CAPS2: variants seen among roughly 807,000 people sequenced by gnomAD.
The protein encoded by CAPS2 is calcyphosine 2.
Under a neutral mutation model 86.5 loss-of-function variants are expected in CAPS2, and 98 were observed. The observed-to-expected ratio is 1.13, with a 90% CI of 0.96 to 1.34. CAPS2 has a LOEUF of 1.34. CAPS2 is among the 40% of genes most tolerant of loss of function. CAPS2 has a pLI of 0.00. For missense variants in CAPS2, 729 were observed against 686.8 expected, an observed-to-expected ratio of 1.06 and a Z score of -0.69; for synonymous variants, 210 against 225.1, an observed-to-expected ratio of 0.93 and a Z score of 0.60.
intron 1 of CAPS2, chr12:75,362,951 C>T (rs972001986): frequency 6.0e-6 from 3 of 498,716 alleles, no homozygotes; most frequent in Non-Finnish European, 1.1e-5. Context: ...CTTATTTTAA[C>T]AAAAGAAATG....
At chr12:75,291,787 G>A in exon 13 of CAPS2, 1 of 1,561,968 alleles carries the variant, frequency 6.4e-7, no homozygotes, top group Non-Finnish European at 8.7e-7. Context: ...TTTCTTGAAT[G>A]ATTATATCAT....
intron 8 of CAPS2, among the ~76,000 whole-genome samples, chr12:75,301,722 A>G (rs1003443341): frequency 4.6e-5 from 7 of 152,218 alleles, no homozygotes; most frequent in African/African-American, 1.7e-4. Flanking sequence ...TTGCTTTTCA[A>G]TAGTAAACAG....
chr12:75,359,933 G>A (rs1177293066), intron 1 of CAPS2: 2 of 152,084 alleles, frequency 1.3e-5, no homozygotes, highest in Non-Finnish European at 2.9e-5. Context: ...CATAGCTAGG[G>A]AGGCCTCAGA....
chr12:75,348,511 T>A (rs1565972390), intron 1 of CAPS2, among the ~76,000 whole-genome samples: 1 of 152,178 alleles, frequency 6.6e-6, no homozygotes, highest in Non-Finnish European at 1.5e-5. Flanking sequence ...TTCAGAGAAA[T>A]TATAAAACTA....
chr12:75,305,894 G>A (rs1221147673), intron 7 of CAPS2: 6 of 828,382 alleles, frequency 7.2e-6, no homozygotes, highest in Non-Finnish European at 1.2e-5. Context: ...CTGCACCTGA[G>A]GCTGTCCAAC....
intron 7 of CAPS2, chr12:75,306,053 C>T: frequency 1.4e-6 from 2 of 1,467,684 alleles, no homozygotes; most frequent in Non-Finnish European, 1.9e-6. Flanking sequence ...CCAGAGACAG[C>T]GCCGTCTAGA....
At chr12:75,390,565 C>T (rs1023837719) in intron 1 of CAPS2, among the ~76,000 whole-genome samples, 1 of 152,180 alleles carries the variant, frequency 6.6e-6, no homozygotes, top group South Asian at 2.1e-4. Flanking sequence ...TTTCTGTATT[C>T]CATTCTGTCC....
rs750790834 is a variant in CAPS2 at position 75,278,924 on chromosome 12, A to G, written c.1754T>C (p.Phe585Ser). ...CCATGGAGTACGTAAGATGTTAACA[A>G]AGTCTTCATCATCTACTATTCCTAT... Residue 585 changes from phenylalanine (F) to serine (S), a missense_variant, in exon 17 of 17, where the codon TTT becomes TCT. Coordinates refer to ENST00000393284, the Ensembl canonical transcript of CAPS2. The G allele has an allele frequency of 8.1e-6, 13 of 1,598,332 alleles. No homozygotes were observed. The Admixed American group carries it at 1.2e-4, about 15-fold the overall frequency.
intron 1 of CAPS2, among the ~76,000 whole-genome samples, chr12:75,353,913 C>T (rs1365241137): frequency 6.6e-6 from 1 of 152,048 alleles, no homozygotes; most frequent in Non-Finnish European, 1.5e-5. Flanking sequence ...TCAATAGATG[C>T]CAAAAGGCCT....
intron 1 of CAPS2, among the ~76,000 whole-genome samples, chr12:75,355,138 T>C (rs555736537): frequency 6.6e-6 from 1 of 152,232 alleles, no homozygotes; most frequent in South Asian, 2.1e-4. Flanking sequence ...ATGGGATCAA[T>C]TAAACTAAAG....
chr12:75,307,695 A>G (rs1312344479), intron 7 of CAPS2, among the ~76,000 whole-genome samples: 1 of 152,198 alleles, frequency 6.6e-6, no homozygotes. Context: ...ACAAGAGAAC[A>G]CAAACAAAAT....
At position 75,343,727 on chromosome 12, in the gene CAPS2, C is replaced by T. The variant is rs140518960; in HGVS notation, c.-394-20505G>A. 2.0e-4 allele frequency: 323 copies of T among 1,611,528 alleles called. 3 individuals are homozygous for T. The highest frequency in any genetic ancestry group is 1.3e-3 in the Admixed American group (78 of 59,858). ...AAAGGTTTAGCAAAGATGGCTAAAG[C>T]ATGGGCAAACCAGTGCAAATTTGAA... On this transcript the variant is annotated intron_variant, in intron 1 of 5. Transcript: ENST00000551829.
intron 8 of CAPS2, among the ~76,000 whole-genome samples, chr12:75,300,985 G>T (rs1201788924): frequency 6.6e-6 from 1 of 152,186 alleles, no homozygotes; most frequent in Admixed American, 6.5e-5. Flanking sequence ...GCTGAATGAA[G>T]TTCGAACTTT....
At chr12:75,340,567 TA>T (rs1341875317) in intron 1 of CAPS2, among the ~76,000 whole-genome samples, 10 of 152,056 alleles carry the variant, frequency 6.6e-5, no homozygotes, top group East Asian at 3.9e-4. Flanking sequence ...AAACTATTTT[TA>T]AAAAGTCAAC....
At chr12:75,366,621 C>A (rs1167874790) in intron 1 of CAPS2, among the ~76,000 whole-genome samples, 1 of 151,684 alleles carries the variant, frequency 6.6e-6, no homozygotes, top group Non-Finnish European at 1.5e-5. Flanking sequence ...TCTTGTCTTT[C>A]CTCTTCTTCA....
rs192189813 is a variant in CAPS2, at chr12:75,386,650, G to A, written c.-395+4188C>T. 1.9e-3 allele frequency among the ~76,000 whole-genome samples: 286 copies of A among 152,198 alleles called. 3 individuals carry two copies. Among genetic ancestry groups the A allele is most frequent in the African/African-American group, 6.4e-3 (267 of 41,512 alleles). On this transcript the variant is annotated intron_variant, in intron 1 of 5. Coordinates refer to the CAPS2 transcript ENST00000551829. Reference sequence around the variant, plus strand: ...ATTTTCCAGCATATGAATTTAGGGGGACATATTCAAACAATAGCAAAAATA... The same window carrying A: ...ATTTTCCAGCATATGAATTTAGGGGAACATATTCAAACAATAGCAAAAATA...
intron 1 of CAPS2, among the ~76,000 whole-genome samples, chr12:75,335,740 A>C (rs552575580): frequency 1.3e-5 from 2 of 152,112 alleles, no homozygotes; most frequent in Non-Finnish European, 2.9e-5. Context: ...TGTATCAGAA[A>C]TGAAACAAGA....
At chr12:75,349,124 C>T (rs1364875849) in intron 1 of CAPS2, among the ~76,000 whole-genome samples, 1 of 152,054 alleles carries the variant, frequency 6.6e-6, no homozygotes, top group Non-Finnish European at 1.5e-5. Flanking sequence ...TATTGATTAA[C>T]ACATGCACGT....
At chr12:75,316,849 G>A (rs1326343175) in intron 5 of CAPS2, among the ~76,000 whole-genome samples, 1 of 152,052 alleles carries the variant, frequency 6.6e-6, no homozygotes, top group African/African-American at 2.4e-5. Context: ...ATTAAATTCA[G>A]AAATAAAATA....
Sources: allele counts gnomAD v4.1 joint callset (sites outside exome capture counted in the v4.1 genomes callset), GRCh38; gene constraint gnomAD v4.1.1; transcripts MANE v1.5; gene names NCBI Gene and HGNC (gene_info 2026-07-23, HGNC 2026-07-21).